The following DAPK1 variants were observed in gnomAD, a reference collection of about 807,000 sequenced individuals.
DAPK1 encodes the protein death-associated protein kinase 1.
DAPK1 carries 56 observed loss-of-function variants against 144.9 expected under a neutral mutation model. That is an observed-to-expected ratio of 0.39 (90% CI 0.31 to 0.48). The LOEUF is 0.48. DAPK1 is among the 20% of genes least tolerant of loss of function. The probability of loss-of-function intolerance (pLI) is 0.95; values close to 1 mark genes in which losing one functional copy is unlikely to be tolerated. For synonymous variants in DAPK1, 690 were observed against 749.0 expected (o/e 0.92, Z 1.29); for missense variants, 1,454 against 1,875.4 (o/e 0.78, Z 4.15).
intron 2 of DAPK1, among the ~76,000 whole-genome samples, chr9:87,585,574 C>T (rs961929931): frequency 6.6e-6 from 1 of 152,194 alleles, no homozygotes; most frequent in African/African-American, 2.4e-5. Context: ...TGTTATTCTT[C>T]TAATAAGGTG....
intron 9 of DAPK1, among the ~76,000 whole-genome samples, chr9:87,641,621 C>G (rs1224828882): frequency 6.6e-6 from 1 of 152,190 alleles, no homozygotes; most frequent in Non-Finnish European, 1.5e-5. Context: ...CCTCTGAGAT[C>G]CCTCTCAGCT....
intron 2 of DAPK1, among the ~76,000 whole-genome samples, chr9:87,545,235 C>G (rs958147784): frequency 4.6e-5 from 7 of 152,186 alleles, no homozygotes; most frequent in Non-Finnish European, 8.8e-5. Context: ...CCTTGCAAAC[C>G]AGGCTCCCGG....
At chr9:87,586,867 C>T (rs1827956072) in intron 2 of DAPK1, among the ~76,000 whole-genome samples, 1 of 152,154 alleles carries the variant, frequency 6.6e-6, no homozygotes, top group Admixed American at 6.5e-5. Context: ...AGTAAAAAAC[C>T]TCTAAGTAAC....
intron 2 of DAPK1, among the ~76,000 whole-genome samples, chr9:87,600,866 A>T (rs1249040757): frequency 6.6e-6 from 1 of 152,196 alleles, no homozygotes; most frequent in Admixed American, 6.5e-5. Context: ...AAGCGCCCCC[A>T]GCGTGGTTGT....
At chr9:87,677,520 G>C (rs997446768) in intron 19 of DAPK1, among the ~76,000 whole-genome samples, 5 of 152,320 alleles carry the variant, frequency 3.3e-5, no homozygotes, top group Middle Eastern at 3.4e-3. Flanking sequence ...GGAAGAAAGA[G>C]CTGCAGGCAG....
intron 3 of DAPK1, among the ~76,000 whole-genome samples, chr9:87,607,881 T>G (rs572568337): frequency 6.6e-6 from 1 of 152,136 alleles, no homozygotes; most frequent in Non-Finnish European, 1.5e-5. Context: ...ACTGGGTAAT[T>G]TGTGAAGAAA....
intron 2 of DAPK1, among the ~76,000 whole-genome samples, chr9:87,586,480 T>A (rs1036771643): frequency 5.3e-5 from 8 of 152,366 alleles, no homozygotes; most frequent in South Asian, 4.1e-4. Context: ...TATATACTTA[T>A]GTAATTATGT....
chr9:87,604,952 A>T lies in DAPK1; in HGVS notation c.63-2A>T. 6.2e-7 allele frequency: 1 copy of T among 1,613,298 alleles called. No homozygotes were observed. The highest frequency in any genetic ancestry group is 1.7e-4 in the Middle Eastern group (1 of 6,060). ...AAAGAATCCTCCATCTTCTCTTTTC[A>T]GTGGACAGTTTGCGGTTGTGAAGAA... On this transcript the variant is annotated splice_acceptor_variant, in intron 2 of 25. Coordinates refer to ENST00000408954, the MANE Select transcript of DAPK1 (RefSeq NM_004938.4). LOFTEE classifies it high-confidence loss of function.
rs115905242 is a variant in DAPK1, at chr9:87,533,078, T to C, written c.62+33939T>C. Among the ~76,000 whole-genome samples the C allele has an allele frequency of 7.4e-3, 1,128 of 152,332 alleles. 16 individuals are homozygous for C. Among genetic ancestry groups the C allele is most frequent in the African/African-American group, 0.026 (1,073 of 41,568 alleles). ...GCAGATGGGAACAAGCAGAATGATA[T>C]AATGTAATTAAGGCCTGGCTTAAAA... On this transcript the variant is annotated intron_variant, in intron 2 of 25. Transcript: ENST00000408954.
intron 21 of DAPK1, among the ~76,000 whole-genome samples, chr9:87,692,951 ACTTTT>A (rs1825117553): frequency 5.0e-5 from 2 of 40,182 alleles, no homozygotes; most frequent in African/African-American, 1.6e-4. Context: ...AAGTGACTAG[ACTTTT>A]TTTTTTTTTT....
In DAPK1 at chr9:87,686,785, A is replaced by T. The variant is rs755420161; in HGVS notation, c.2413+46A>T. 2 of 1,484,158 alleles carry T rather than the reference A, an allele frequency of 1.3e-6. No individual in the cohort carries two copies. Among genetic ancestry groups the T allele is most frequent in the South Asian group, 1.2e-5 (1 of 85,082 alleles). The allele number at this position is 1,484,158 out of a possible 1,614,324, so 91.9% of individuals were successfully genotyped here. ...GGGAAGGACCTCAGGTTTCCCTTCAACAGGGTTGTAAGTCATCCCTAAAGG... is the reference window on the plus strand; with the variant it reads ...GGGAAGGACCTCAGGTTTCCCTTCATCAGGGTTGTAAGTCATCCCTAAAGG... On this transcript the variant is annotated intron_variant, in intron 21 of 25. Transcript: ENST00000408954. This position sits in a 1 kb window ranked among gnomAD's most constrained non-coding sequence, Gnocchi z 4.2.
chr9:87,563,390 C>T (rs1433380225), intron 2 of DAPK1, among the ~76,000 whole-genome samples: 2 of 152,162 alleles, frequency 1.3e-5, no homozygotes, highest in African/African-American at 4.8e-5. Context: ...AGTGTGAACA[C>T]CTGCACTAAC....
chr9:87,699,312 C>G (rs997093402), intron 23 of DAPK1, among the ~76,000 whole-genome samples: 62 of 152,172 alleles, frequency 4.1e-4, no homozygotes, highest in Admixed American at 3.9e-3. Context: ...GATTTCAGTA[C>G]TCAGTATTCA....
intron 19 of DAPK1, among the ~76,000 whole-genome samples, chr9:87,675,533 G>A (rs959752207): frequency 3.9e-5 from 6 of 152,088 alleles, no homozygotes; most frequent in Admixed American, 6.5e-5. Context: ...CCCGAGAGGC[G>A]GCACAGCTCT....
upstream of DAPK1, chr9:87,497,765 G>T (rs1283286633): frequency 3.0e-6 from 1 of 329,256 alleles, no homozygotes; most frequent in African/African-American, 2.2e-5. Context: ...TGGCAGGGCA[G>T]CTCGGAGGTG....
At chr9:87,520,422 T>C (rs1825253092) in intron 2 of DAPK1, among the ~76,000 whole-genome samples, 1 of 152,148 alleles carries the variant, frequency 6.6e-6, no homozygotes, top group Non-Finnish European at 1.5e-5. Flanking sequence ...CAGGCACAGC[T>C]GGAGACAGCA....
intron 2 of DAPK1, among the ~76,000 whole-genome samples, chr9:87,545,070 C>T (rs1427692029): frequency 3.3e-5 from 5 of 152,166 alleles, no homozygotes; most frequent in Non-Finnish European, 7.3e-5. Context: ...TTCAAATTTG[C>T]CTTCCTATCT....
chr9:87,605,065 C>A lies in DAPK1; in HGVS notation c.174C>A (p.Arg58=). 6.2e-7 allele frequency: 1 copy of A among 1,614,196 alleles called. No homozygotes were observed. Among genetic ancestry groups the A allele is most frequent in the Non-Finnish European group, 8.5e-7 (1 of 1,180,036 alleles). The change falls in exon 3 of 26, where the codon CGC becomes CGA. Residue 58 remains arginine (R), a synonymous_variant. Coordinates refer to ENST00000408954, the MANE Select transcript of DAPK1 (RefSeq NM_004938.4). ...AGTCCAGCCGGCGGGGTGTGAGCCG[C>A]GAGGACATCGAGCGGGAGGTCAGCA... ...RTKSSRRGVS[R]EDIEREVSIL... is the part of the protein sequence containing the mutation.
intron 3 of DAPK1, among the ~76,000 whole-genome samples, chr9:87,621,247 G>T (rs187174743): frequency 3.3e-5 from 5 of 152,296 alleles, no homozygotes; most frequent in Non-Finnish European, 7.3e-5. Context: ...GGCTGGAGAT[G>T]ATCACCTGGA....
Sources: allele counts gnomAD v4.1 joint callset (sites outside exome capture counted in the v4.1 genomes callset), GRCh38; gene constraint gnomAD v4.1.1; non-coding constraint Gnocchi (gnomAD v3.1); transcripts MANE v1.5; gene names NCBI Gene and HGNC (gene_info 2026-07-23, HGNC 2026-07-21).